ASPH: variants seen among roughly 807,000 people sequenced by gnomAD.
ASPH encodes the protein aspartyl/asparaginyl beta-hydroxylase.
In ASPH, 100 loss-of-function variants were observed where a neutral mutation model predicts 118.4. The observed-to-expected ratio is 0.84, with a 90% CI of 0.72 to 1.00. The LOEUF (loss-of-function observed/expected upper bound fraction) is 1.00. Among genes scored for constraint, ASPH ranks in the 50% least tolerant of loss-of-function variants. The probability of loss-of-function intolerance (pLI) is 0.00; values close to 1 mark genes in which losing one functional copy is unlikely to be tolerated. For synonymous variants in ASPH, 315 were observed against 325.6 expected (o/e 0.97, Z 0.35); for missense variants, 920 against 919.5 (o/e 1.00, Z -0.01).
At chr8:61,611,446 C>T (rs1847333239) in intron 14 of ASPH, among the ~76,000 whole-genome samples, 1 of 152,204 alleles carries the variant, frequency 6.6e-6, no homozygotes, top group Non-Finnish European at 1.5e-5. Context: ...GAGAACTACA[C>T]AGAGGCATGA....
chr8:61,653,423 A>G lies in ASPH; in HGVS notation c.415+145T>C, dbSNP rs943618372. 9 of 724,332 alleles carry G rather than the reference A, an allele frequency of 1.2e-5. No individual in the cohort carries two copies. The African/African-American group carries it at 1.6e-4, about 13-fold the overall frequency. The allele number at this position is 724,332 out of a possible 1,614,324, so 44.9% of individuals were successfully genotyped here. ...TTCCAATTTCTACTAGAAAAATACT[A>G]CATAATTTCAGAAGAGAAAAAAAGT... is the stretch of plus-strand genomic sequence containing the variant. On this transcript the variant is annotated intron_variant, in intron 4 of 24. Transcript: ENST00000379454.
chr8:61,607,237 T>C (rs954797366), intron 14 of ASPH: 3 of 699,876 alleles, frequency 4.3e-6, no homozygotes, highest in African/African-American at 3.5e-5. Context: ...TTCCATTCTT[T>C]AAGAAGGGTC....
At chr8:61,519,261 G>A (rs1253576519) in intron 22 of ASPH, among the ~76,000 whole-genome samples, 1 of 151,998 alleles carries the variant, frequency 6.6e-6, no homozygotes. Context: ...TGATACAATA[G>A]ATTAGTACCT....
chr8:61,644,070 A>G lies in ASPH; in HGVS notation c.653-69T>C, dbSNP rs1806645373. ...AATACATGTAATATTCGAAACCAGA[A>G]AGACACAATTTCTAGTTATGATTGA... On this transcript the variant is annotated intron_variant, in intron 7 of 24. Transcript: ENST00000379454. 26 of 1,194,276 alleles carry G rather than the reference A, an allele frequency of 2.2e-5. 1 individual carries two copies. Among genetic ancestry groups the G allele is most frequent in the African/African-American group, 1.5e-5 (1 of 65,416 alleles). The allele number at this position is 1,194,276 out of a possible 1,614,324, so 74.0% of individuals were successfully genotyped here.
chr8:61,541,796 T>G (rs1232323296), intron 21 of ASPH, among the ~76,000 whole-genome samples: 1 of 152,240 alleles, frequency 6.6e-6, no homozygotes, highest in East Asian at 1.9e-4. Context: ...CTGAGAATTC[T>G]ATGATTCACA....
chr8:61,583,931 A>T lies in ASPH; in HGVS notation c.1062+13T>A, dbSNP rs1838439899. The stretch of plus-strand genomic sequence containing the variant: ...TTAACAACAAAACCATTGCACAAAA[A>T]ATATCAACCTACCCTTTTACGGAGT... On this transcript the variant is annotated intron_variant, in intron 15 of 24. Coordinates refer to ENST00000379454, the MANE Select transcript of ASPH (RefSeq NM_004318.4). 1 of 1,538,930 alleles carries T rather than the reference A, an allele frequency of 6.5e-7. No homozygotes were observed. Among genetic ancestry groups the T allele is most frequent in the South Asian group, 1.2e-5 (1 of 82,598 alleles).
At chr8:61,674,952 T>A (rs1377963624) in intron 3 of ASPH, among the ~76,000 whole-genome samples, 1 of 152,164 alleles carries the variant, frequency 6.6e-6, no homozygotes, top group African/African-American at 2.4e-5. Context: ...CTTCAAAAAG[T>A]AACATCCCTT....
At chr8:61,714,166 C>G in intron 1 of ASPH, 103 bp downstream of exon 1, 2 of 1,271,782 alleles carry the variant, frequency 1.6e-6, no homozygotes. Flanking sequence ...ATGGAGGCGG[C>G]GCGCGGTGGG....
intron 1 of ASPH, among the ~76,000 whole-genome samples, chr8:61,695,831 A>C (rs1445393485): frequency 6.6e-6 from 1 of 152,256 alleles, no homozygotes; most frequent in South Asian, 2.1e-4. Context: ...ATATGGTATG[A>C]GTAATCAAAC....
intron 16 of ASPH, among the ~76,000 whole-genome samples, chr8:61,569,953 A>G (rs1218130903): frequency 6.6e-6 from 1 of 151,524 alleles, no homozygotes. Context: ...ATAGTGAGTT[A>G]ACTCCCCAGA....
At position 61,506,964 on chromosome 8, in the gene ASPH, TG is replaced by T. The variant is rs369506995; in HGVS notation, c.2127-3456del. On this transcript the variant is annotated intron_variant, in intron 24 of 24. Transcript: ENST00000379454. ...CAAGTGATTTTCAAAGTTTTTTGGG[TG>T]GCAGAGAACCTGGAAACTACTTAAA... is the stretch of plus-strand genomic sequence containing the variant. Among the ~76,000 whole-genome samples the T allele has an allele frequency of 6.3e-4, 96 of 152,270 alleles. 1 individual carries two copies. In the Middle Eastern group the frequency reaches 0.027, roughly 43 times the overall value.
rs759830700 is a variant in ASPH at position 61,577,709 on chromosome 8, G to A, written c.1063-851C>T. ...GGCAAGAGAGAGAAGAGTGAGGAGCGAAGGGGGAAGATCCCCTTATAAAAC... is the reference window on the plus strand; with the variant it reads ...GGCAAGAGAGAGAAGAGTGAGGAGCAAAGGGGGAAGATCCCCTTATAAAAC... On this transcript the variant is annotated intron_variant, in intron 15 of 24. Transcript: ENST00000379454. Among the ~76,000 whole-genome samples, 4 of 152,136 alleles carry A rather than the reference G, an allele frequency of 2.6e-5. 1 individual carries two copies. Among genetic ancestry groups the A allele is most frequent in the Non-Finnish European group, 5.9e-5 (4 of 68,024 alleles).
intron 3 of ASPH, chr8:61,663,174 C>T (rs986670858): frequency 1.0e-6 from 1 of 985,316 alleles, no homozygotes; most frequent in Non-Finnish European, 1.2e-6. Flanking sequence ...ACATGTTCTG[C>T]TTCTTCTTCT....
intron 1 of ASPH, among the ~76,000 whole-genome samples, chr8:61,685,957 C>G (rs888435719): frequency 6.6e-6 from 1 of 151,962 alleles, no homozygotes; most frequent in African/African-American, 2.4e-5. Context: ...TTAGTAGAGA[C>G]AGGGTTTCAC....
intron 14 of ASPH, among the ~76,000 whole-genome samples, chr8:61,587,685 A>G (rs1294334660): frequency 6.6e-6 from 1 of 152,216 alleles, no homozygotes; most frequent in Non-Finnish European, 1.5e-5. Context: ...AAAATCTCAC[A>G]GCATGCCACC....
At chr8:61,619,086 A>C in intron 13 of ASPH, 67 bp from the exon 14 acceptor site, 6 of 1,111,608 alleles carry the variant, frequency 5.4e-6, no homozygotes, top group Non-Finnish European at 7.9e-6. Context: ...AAAATATAGG[A>C]CAATATTTAA....
At chr8:61,588,590 C>G (rs145994753) in intron 14 of ASPH, among the ~76,000 whole-genome samples, 1 of 152,226 alleles carries the variant, frequency 6.6e-6, no homozygotes, top group Admixed American at 6.5e-5. Flanking sequence ...AATTTCCTAA[C>G]TAGTCTCCCT....
intron 18 of ASPH, 26 bp from the exon 19 acceptor site, chr8:61,556,048 T>C (rs565482056): frequency 1.6e-5 from 26 of 1,598,312 alleles, no homozygotes; most frequent in Non-Finnish European, 2.1e-5. Flanking sequence ...ACACAGAACA[T>C]AACTCAAAGA....
chr8:61,589,241 T>C (rs1037895397), intron 14 of ASPH, among the ~76,000 whole-genome samples: 1 of 152,244 alleles, frequency 6.6e-6, no homozygotes, highest in Non-Finnish European at 1.5e-5. Flanking sequence ...TTACTGTATG[T>C]AAATTCCTTC....
Sources: allele counts gnomAD v4.1 joint callset (sites outside exome capture counted in the v4.1 genomes callset), GRCh38; gene constraint gnomAD v4.1.1; transcripts MANE v1.5; gene names NCBI Gene and HGNC (gene_info 2026-07-23, HGNC 2026-07-21).